The following FOCAD variants were observed in gnomAD, a reference collection of about 807,000 sequenced individuals.
FOCAD encodes focadhesin.
FOCAD carries 198 observed loss-of-function variants against 225.6 expected under a neutral mutation model. The observed-to-expected ratio is 0.88, with a 90% CI of 0.78 to 0.99. The LOEUF is 0.99. FOCAD is among the 50% of genes least tolerant of loss of function. The pLI is 0.00. For synonymous variants in FOCAD, 897 were observed against 755.0 expected, an observed-to-expected ratio of 1.19 and a Z score of -3.08; for missense variants, 2,713 against 2,123.6, an observed-to-expected ratio of 1.28 and a Z score of -5.46.
Position 20,982,342 on chromosome 9 carries a change from A to G in FOCAD, c.4639-15A>G. 2 of 1,584,312 alleles carry G rather than the reference A, an allele frequency of 1.3e-6. No individual in the cohort carries two copies. The highest frequency in any genetic ancestry group is 2.7e-5 in the African/African-American group (2 of 74,256). On this transcript the variant is annotated splice_polypyrimidine_tract_variant and intron_variant, in intron 38 of 43. Transcript: ENST00000338382. ...TACACTGTTTGTTGACATGTTTGGGATTTTTCTTTATCAGAGAAAGGATCT... is the reference window on the plus strand; with the variant it reads ...TACACTGTTTGTTGACATGTTTGGGGTTTTTCTTTATCAGAGAAAGGATCT...
chr9:20,885,520 T>C (rs1831036307), intron 21 of FOCAD: 1 of 174,344 alleles, frequency 5.7e-6, no homozygotes, highest in Admixed American at 6.3e-5. Flanking sequence ...TATCAATTTA[T>C]TGTTTAAAGA....
chr9:20,758,955 C>T (rs1011158843), intron 6 of FOCAD, among the ~76,000 whole-genome samples: 1 of 152,086 alleles, frequency 6.6e-6, no homozygotes, highest in Non-Finnish European at 1.5e-5. Flanking sequence ...AAATCACAAG[C>T]ATTCTTATAC....
At chr9:20,752,435 T>G (rs1828647773) in intron 5 of FOCAD, among the ~76,000 whole-genome samples, 1 of 152,126 alleles carries the variant, frequency 6.6e-6, no homozygotes, top group African/African-American at 2.4e-5. Context: ...CCATTGCTTG[T>G]TTTTCTCAGG....
rs765149769 is a variant in FOCAD at position 20,981,611 on chromosome 9, C to A, written c.4563C>A (p.Ser1521Arg). Residue 1521 changes from serine to arginine, a missense_variant, in exon 38 of 44, where the codon AGC (serine) becomes AGA (arginine). Ser to Arg is a moderately radical substitution (Grantham distance 110). Coordinates refer to ENST00000338382, the MANE Select transcript of FOCAD (RefSeq NM_001375567.1). Reference protein sequence around the residue: ...HGLSQAMKLPSPAHHLWSLLS... With the variant: ...HGLSQAMKLPRPAHHLWSLLS... Reference sequence around the variant, plus strand: ...TGAGCCAGGCCATGAAACTGCCCAGCCCTGCCCACCACCTCTGGAGTCTGC... The same window carrying A: ...TGAGCCAGGCCATGAAACTGCCCAGACCTGCCCACCACCTCTGGAGTCTGC... The A allele has an allele frequency of 6.2e-7, 1 of 1,614,046 alleles. No homozygotes were observed. Among genetic ancestry groups the A allele is most frequent in the Non-Finnish European group, 8.5e-7 (1 of 1,179,990 alleles).
intron 42 of FOCAD, among the ~76,000 whole-genome samples, chr9:20,992,460 C>T (rs906012221): frequency 6.6e-6 from 1 of 152,170 alleles, no homozygotes; most frequent in Non-Finnish European, 1.5e-5. Flanking sequence ...AAGCTGCACA[C>T]AGAACCAGGT....
intron 14 of FOCAD, among the ~76,000 whole-genome samples, chr9:20,822,228 G>A (rs1824412355): frequency 6.6e-6 from 1 of 151,906 alleles, no homozygotes; most frequent in Non-Finnish European, 1.5e-5. Flanking sequence ...CTCCAGATCT[G>A]TCAAATTTTT....
At chr9:20,729,887 A>G (rs938646633) in intron 4 of FOCAD, among the ~76,000 whole-genome samples, 1 of 152,126 alleles carries the variant, frequency 6.6e-6, no homozygotes, top group Non-Finnish European at 1.5e-5. Context: ...ATAATTGTTT[A>G]ATTGTGGTGG....
chr9:20,850,875 A>G (rs1258968032), intron 15 of FOCAD, among the ~76,000 whole-genome samples: 4 of 148,846 alleles, frequency 2.7e-5, no homozygotes, highest in African/African-American at 9.9e-5. Flanking sequence ...TTCTCTTAAC[A>G]CAAGGTTTTG....
In FOCAD at chr9:20,952,982, C is replaced by T. The variant is rs775077940; in HGVS notation, c.4052-3C>T. The T allele has an allele frequency of 5.1e-5, 83 of 1,612,178 alleles. 2 individuals are homozygous for T. The South Asian group carries it at 8.9e-4, about 17-fold the overall frequency. The stretch of plus-strand genomic sequence containing the variant: ...TTAATTTGATCATTTTCTGTCTCCA[C>T]AGTTCCTACTGACTATAGCTACTTG... On this transcript the variant is annotated splice_polypyrimidine_tract_variant and splice_region_variant and intron_variant, in intron 34 of 43. Coordinates refer to ENST00000338382, the MANE Select transcript of FOCAD (RefSeq NM_001375567.1).
intron 5 of FOCAD, among the ~76,000 whole-genome samples, chr9:20,755,457 A>G (rs974178700): frequency 1.3e-5 from 2 of 152,100 alleles, no homozygotes; most frequent in Admixed American, 6.6e-5. Flanking sequence ...ATTTTATACT[A>G]TTTTTTATTT....
intron 15 of FOCAD, among the ~76,000 whole-genome samples, chr9:20,831,959 C>A (rs1164169303): frequency 3.3e-5 from 5 of 151,920 alleles, no homozygotes; most frequent in African/African-American, 1.2e-4. Context: ...ATATATTGCC[C>A]TTTGTGTTTG....
chr9:20,927,537 A>G (rs1835073607), intron 26 of FOCAD, among the ~76,000 whole-genome samples: 1 of 152,090 alleles, frequency 6.6e-6, no homozygotes, highest in Non-Finnish European at 1.5e-5. Context: ...ATTTAAAAAA[A>G]AAAGCCACCT....
At chr9:20,876,394 G>A (rs1251223423) in intron 19 of FOCAD, among the ~76,000 whole-genome samples, 1 of 152,016 alleles carries the variant, frequency 6.6e-6, no homozygotes, top group Non-Finnish European at 1.5e-5. Context: ...ACTTGTACAT[G>A]TATCCCCCAT....
chr9:20,760,637 C>G (rs1411715562), intron 6 of FOCAD, among the ~76,000 whole-genome samples: 2 of 152,072 alleles, frequency 1.3e-5, no homozygotes, highest in East Asian at 3.9e-4. Flanking sequence ...GCCCTAGGGT[C>G]TTTTCTTACT....
At chr9:20,695,172 A>G (rs1377123297) in intron 1 of FOCAD, among the ~76,000 whole-genome samples, 4 of 152,138 alleles carry the variant, frequency 2.6e-5, no homozygotes, top group African/African-American at 7.2e-5. Context: ...TTAAATATAG[A>G]GAGTTGTGTA....
chr9:20,888,117 A>ATTTTTTTTTTTTTTTTTTTT (rs1564115115), intron 21 of FOCAD, among the ~76,000 whole-genome samples: 1 of 72,222 alleles, frequency 1.4e-5, no homozygotes, highest in Admixed American at 1.3e-4. Flanking sequence ...ATGTCTTTTC[A>ATTTTTTTTTTTTTTTTTTTT]TTTTCTTTTT....
intron 6 of FOCAD, among the ~76,000 whole-genome samples, chr9:20,761,731 T>C (rs1311279770): frequency 6.6e-6 from 1 of 152,178 alleles, no homozygotes; most frequent in Non-Finnish European, 1.5e-5. Context: ...AAGCCTCCAT[T>C]TTTTTACTCT....
intron 2 of FOCAD, among the ~76,000 whole-genome samples, chr9:20,675,950 C>T (rs1822219727): frequency 6.6e-6 from 1 of 152,140 alleles, no homozygotes; most frequent in African/African-American, 2.4e-5. Context: ...CTCTATGAAT[C>T]GTCTGCGTAG....
intron 15 of FOCAD, among the ~76,000 whole-genome samples, chr9:20,828,906 C>T (rs1244431201): frequency 1.1e-4 from 16 of 152,000 alleles, no homozygotes; most frequent in African/African-American, 3.4e-4. Flanking sequence ...TCTGTTCCTG[C>T]GTTAGTTTGC....
Sources: allele counts gnomAD v4.1 joint callset (sites outside exome capture counted in the v4.1 genomes callset), GRCh38; gene constraint gnomAD v4.1.1; transcripts MANE v1.5; gene names NCBI Gene and HGNC (gene_info 2026-07-23, HGNC 2026-07-21).